FOXP1: variants seen among roughly 807,000 people sequenced by gnomAD.
FOXP1 encodes forkhead box protein P1.
A neutral mutation model predicts 98.2 loss-of-function variants in FOXP1; 15 were observed. The ratio of observed to expected loss-of-function variants is 0.15; its 90% confidence interval spans 0.10 to 0.24. The LOEUF (loss-of-function observed/expected upper bound fraction) is 0.24, where lower values mean the gene tolerates loss of function less well. Ranked by LOEUF, FOXP1 falls within the 10% of genes least tolerant of loss-of-function variation. The pLI, the probability that FOXP1 is intolerant of heterozygous loss-of-function variation, is 1.00. For synonymous variants in FOXP1, 371 were observed against 314.5 expected (o/e 1.18, Z -1.90); for missense variants, 633 against 848.5 (o/e 0.75, Z 3.15).
At chr3:71,181,532 T>C (rs2062292667) in intron 6 of FOXP1, among the ~76,000 whole-genome samples, 1 of 151,912 alleles carries the variant, frequency 6.6e-6, no homozygotes, top group Non-Finnish European at 1.5e-5. Flanking sequence ...TCAACTCTCA[T>C]CAGTGGCATT....
At chr3:71,480,912 G>A (rs1430352218) in intron 3 of FOXP1, among the ~76,000 whole-genome samples, 2 of 152,166 alleles carry the variant, frequency 1.3e-5, no homozygotes, top group Non-Finnish European at 2.9e-5. Flanking sequence ...CAAATGCAGT[G>A]TGGATGTTCA....
chr3:71,148,280 G>C (rs537803475), intron 6 of FOXP1, among the ~76,000 whole-genome samples: 18 of 152,250 alleles, frequency 1.2e-4, no homozygotes, highest in Non-Finnish European at 1.3e-4. Context: ...AGGAGGCTGA[G>C]GCAAGAGAAT....
At chr3:71,180,163 T>TA (rs373117277) in intron 6 of FOXP1, among the ~76,000 whole-genome samples, 46 of 149,128 alleles carry the variant, frequency 3.1e-4, no homozygotes, top group Admixed American at 7.4e-4. Context: ...AGTTCTTGCT[T>TA]AAAAAAAAAA....
At chr3:71,336,285 TAA>T (rs2076675904) in intron 4 of FOXP1, among the ~76,000 whole-genome samples, 1 of 152,212 alleles carries the variant, frequency 6.6e-6, no homozygotes, top group Non-Finnish European at 1.5e-5. Context: ...TATTTTACTG[TAA>T]GTTCTGGGAT....
Position 70,977,642 on chromosome 3 carries a change from C to A in FOXP1, c.1428+1G>T. On this transcript the variant is annotated splice_donor_variant, in intron 16 of 20. Transcript: ENST00000649528. LOFTEE classifies it high-confidence loss of function. ...TTTCATATACTGTGTTATTTACTTA[C>A]CTGCCTAATTAAAGATGCATATGTA... The A allele has an allele frequency of 6.2e-7, 1 of 1,608,562 alleles. No individual in the cohort carries two copies. The highest frequency in any genetic ancestry group is 8.5e-7 in the Non-Finnish European group (1 of 1,175,204).
At chr3:71,252,274 C>T (rs1231765757) in intron 5 of FOXP1, among the ~76,000 whole-genome samples, 2 of 152,200 alleles carry the variant, frequency 1.3e-5, no homozygotes, top group Non-Finnish European at 2.9e-5. Flanking sequence ...TAACCCCACA[C>T]TCAGACATTA....
chr3:71,322,378 T>C (rs901132597), intron 4 of FOXP1, among the ~76,000 whole-genome samples: 2 of 152,240 alleles, frequency 1.3e-5, no homozygotes, highest in Admixed American at 1.3e-4. Flanking sequence ...TCAGCTATCA[T>C]AGTGGATAGT....
intron 4 of FOXP1, among the ~76,000 whole-genome samples, chr3:71,348,804 A>AT (rs746171261): frequency 2.6e-5 from 4 of 152,166 alleles, no homozygotes; most frequent in Non-Finnish European, 5.9e-5. Context: ...ACCTTCCACA[A>AT]TGCTAACTGT....
At chr3:71,543,822 C>G (rs1228664299) in intron 2 of FOXP1, among the ~76,000 whole-genome samples, 1 of 152,208 alleles carries the variant, frequency 6.6e-6, no homozygotes, top group African/African-American at 2.4e-5. Context: ...ATACAACTAA[C>G]AAAGAAAGTG....
chr3:71,103,037 A>G (rs907213089), intron 7 of FOXP1, among the ~76,000 whole-genome samples: 2 of 152,232 alleles, frequency 1.3e-5, no homozygotes, highest in Non-Finnish European at 2.9e-5. Flanking sequence ...GATAACTATT[A>G]TCTTTCTGGG....
intron 3 of FOXP1, among the ~76,000 whole-genome samples, chr3:71,466,380 T>C (rs1420618788): frequency 1.3e-5 from 2 of 152,240 alleles, no homozygotes; most frequent in Non-Finnish European, 2.9e-5. Flanking sequence ...CACAAATGTA[T>C]ATCTTTAATG....
intron 3 of FOXP1, among the ~76,000 whole-genome samples, chr3:71,465,321 AAAAAAG>A (rs770653214): frequency 1.5e-5 from 2 of 132,816 alleles, no homozygotes; most frequent in African/African-American, 5.6e-5. Context: ...AAAAAAAAAA[AAAAAAG>A]AAGAAGAAGA....
At chr3:71,304,032 C>A (rs1206238201) in intron 4 of FOXP1, among the ~76,000 whole-genome samples, 2 of 152,332 alleles carry the variant, frequency 1.3e-5, no homozygotes, top group South Asian at 4.1e-4. Flanking sequence ...CTTCAAATCT[C>A]TCTCCTATCC....
intron 12 of FOXP1, among the ~76,000 whole-genome samples, chr3:71,003,995 T>A (rs1345042086): frequency 1.3e-5 from 2 of 152,044 alleles, no homozygotes; most frequent in Admixed American, 1.3e-4. Context: ...AATTTCACTT[T>A]TTTTTTTTGG....
chr3:71,403,722 G>T (rs1430817147), intron 3 of FOXP1, among the ~76,000 whole-genome samples: 4 of 152,094 alleles, frequency 2.6e-5, no homozygotes, highest in Non-Finnish European at 5.9e-5. Context: ...GTGGTGGCAG[G>T]CACCTGTAGT....
At chr3:71,314,690 A>T (rs116577238) in intron 4 of FOXP1, among the ~76,000 whole-genome samples, 5,236 of 152,154 alleles carry the variant, frequency 0.034, 330 homozygotes, top group African/African-American at 0.12. Context: ...AATTGTAGGT[A>T]TAAGATTGGG....
chr3:71,524,542 A>T (rs1042093882), intron 2 of FOXP1, among the ~76,000 whole-genome samples: 7 of 146,602 alleles, frequency 4.8e-5, no homozygotes, highest in Non-Finnish European at 7.5e-5. Context: ...TAAATCTTAA[A>T]AAAAAAAAAA....
chr3:71,062,332 T>C (rs940540042), intron 7 of FOXP1, among the ~76,000 whole-genome samples: 1 of 152,122 alleles, frequency 6.6e-6, no homozygotes, highest in Non-Finnish European at 1.5e-5. Flanking sequence ...ATACACTATA[T>C]ATCCTCGTGC....
intron 6 of FOXP1, among the ~76,000 whole-genome samples, chr3:71,142,555 A>G (rs1018806728): frequency 1.2e-4 from 19 of 152,230 alleles, no homozygotes; most frequent in Non-Finnish European, 2.9e-5. Context: ...ACCATATGGC[A>G]AGAAATGTGG....
Sources: gnomAD v4.1 joint callset for allele counts (sites outside exome capture counted in the v4.1 genomes callset) on GRCh38, gnomAD v4.1.1 for gene constraint, MANE v1.5 for transcripts, NCBI Gene and HGNC (gene_info 2026-07-23, HGNC 2026-07-21) for gene names.